The following AP3B1 variants were observed in gnomAD, a reference collection of about 807,000 sequenced individuals.
AP3B1 encodes the protein adaptor related protein complex 3 subunit beta 1.
AP3B1 carries 61 observed loss-of-function variants against 132.5 expected under a neutral mutation model. The observed-to-expected ratio is 0.46, with a 90% CI of 0.37 to 0.57. AP3B1 has a LOEUF of 0.57. Among genes scored for constraint, AP3B1 ranks in the 20% least tolerant of loss-of-function variants. The pLI, the probability that AP3B1 is intolerant of heterozygous loss-of-function variation, is 0.00. For missense variants in AP3B1, 1,120 were observed against 1,289.4 expected (o/e 0.87, Z 2.01); for synonymous variants, 388 against 438.3 (o/e 0.89, Z 1.43).
At chr5:78,140,463 C>T (rs1383620094) in intron 15 of AP3B1, among the ~76,000 whole-genome samples, 1 of 152,176 alleles carries the variant, frequency 6.6e-6, no homozygotes, top group Non-Finnish European at 1.5e-5. Flanking sequence ...AAGGTACCCA[C>T]AGTTCTGGTG....
chr5:78,141,078 C>A, intron 15 of AP3B1, 65 bp downstream of exon 15: 1 of 1,467,894 alleles, frequency 6.8e-7, no homozygotes. Flanking sequence ...CACAGACCCC[C>A]GCTGTTTGAT....
chr5:78,004,668 T>C (rs1033506286), intron 26 of AP3B1, among the ~76,000 whole-genome samples: 1 of 152,204 alleles, frequency 6.6e-6, no homozygotes, highest in African/African-American at 2.4e-5. Context: ...TGAAGTTGTG[T>C]TTTAAAATGT....
At chr5:78,259,414 T>C (rs1747988872) in intron 2 of AP3B1, among the ~76,000 whole-genome samples, 1 of 152,096 alleles carries the variant, frequency 6.6e-6, no homozygotes, top group East Asian at 1.9e-4. Context: ...GGTTAATGGG[T>C]ACAAACATAA....
At position 78,113,820 on chromosome 5, in the gene AP3B1, C is replaced by G; in HGVS notation, c.2181G>C (p.Glu727Asp). The G allele has an allele frequency of 6.2e-7, 1 of 1,614,212 alleles. No homozygotes were observed. The highest frequency in any genetic ancestry group is 1.3e-5 in the African/African-American group (1 of 75,054). Residue 727 changes from glutamate (E) to aspartate (D), a missense_variant, in exon 19 of 27, where the codon GAG becomes GAC. Coordinates refer to ENST00000255194, the MANE Select transcript of AP3B1 (RefSeq NM_003664.5). Reference sequence around the variant, plus strand: ...TTTCTAGGCCTGACTCCCGTCCACTCTCACTGTCCTGCTCACTGGAGGAGT... The same window carrying G: ...TTTCTAGGCCTGACTCCCGTCCACTGTCACTGTCCTGCTCACTGGAGGAGT... ...SEDSSSEQDS[E>D]SGRESGLENK...
intron 17 of AP3B1, among the ~76,000 whole-genome samples, chr5:78,123,261 C>G (rs1012504569): frequency 2.6e-5 from 4 of 152,178 alleles, no homozygotes; most frequent in African/African-American, 7.2e-5. Context: ...AAAACCTAGG[C>G]AATACCATTC....
intron 6 of AP3B1, among the ~76,000 whole-genome samples, chr5:78,221,741 A>C (rs1451203295): frequency 2.0e-5 from 3 of 151,954 alleles, no homozygotes; most frequent in Non-Finnish European, 4.4e-5. Context: ...AAAAGAAAAA[A>C]AATAACAGAA....
chr5:78,010,280 A>C (rs1746565061), intron 26 of AP3B1, among the ~76,000 whole-genome samples: 1 of 152,238 alleles, frequency 6.6e-6, no homozygotes, highest in South Asian at 2.1e-4. Context: ...GTCATGTGGC[A>C]TTACAGCTTG....
intron 19 of AP3B1, among the ~76,000 whole-genome samples, chr5:78,111,411 T>C (rs1751586028): frequency 6.6e-6 from 1 of 152,188 alleles, no homozygotes; most frequent in African/African-American, 2.4e-5. Context: ...TCTGTGTGTC[T>C]ACCCTACAGG....
Position 78,002,823 on chromosome 5 carries a change from A to G in AP3B1, c.*79T>C. 1.3e-6 allele frequency: 2 copies of G among 1,511,140 alleles called. No homozygotes were observed. Among genetic ancestry groups the G allele is most frequent in the Non-Finnish European group, 1.8e-6 (2 of 1,086,282 alleles). The allele number at this position is 1,511,140 out of a possible 1,614,324, so 93.6% of individuals were successfully genotyped here. On this transcript the variant is annotated 3_prime_UTR_variant, in exon 27 of 27. Coordinates refer to ENST00000255194, the MANE Select transcript of AP3B1 (RefSeq NM_003664.5). ...CCCACTGCCAGATGGAAGGGCTATT[A>G]TTATAAATGAAAGGCAGCAGTAGTG...
chr5:78,284,402 T>C (rs1014913333), intron 1 of AP3B1, among the ~76,000 whole-genome samples: 4 of 152,200 alleles, frequency 2.6e-5, no homozygotes, highest in African/African-American at 9.6e-5. Context: ...CCATTCTACA[T>C]AAGATACTAT....
At chr5:78,073,402 A>G (rs182224554) in intron 22 of AP3B1, among the ~76,000 whole-genome samples, 5 of 152,326 alleles carry the variant, frequency 3.3e-5, no homozygotes, top group African/African-American at 1.2e-4. Flanking sequence ...TGATTGACCA[A>G]TGCATAATCT....
intron 24 of AP3B1, among the ~76,000 whole-genome samples, chr5:78,028,987 A>G (rs965739465): frequency 1.3e-5 from 2 of 152,038 alleles, no homozygotes; most frequent in Non-Finnish European, 2.9e-5. Context: ...ATATTATCCC[A>G]TAGTTTTCCT....
intron 17 of AP3B1, among the ~76,000 whole-genome samples, chr5:78,126,272 A>C (rs1010185950): frequency 2.6e-5 from 4 of 152,062 alleles, no homozygotes; most frequent in Non-Finnish European, 5.9e-5. Context: ...TGGTAGGCTG[A>C]GGCGGGCAGA....
intron 1 of AP3B1, among the ~76,000 whole-genome samples, chr5:78,276,690 A>G (rs1165824680): frequency 6.6e-6 from 1 of 151,944 alleles, no homozygotes; most frequent in East Asian, 1.9e-4. Context: ...CAACACGGCA[A>G]GACCCTTTCA....
intron 22 of AP3B1, among the ~76,000 whole-genome samples, chr5:78,053,463 C>T (rs953810193): frequency 1.3e-5 from 2 of 151,964 alleles, no homozygotes; most frequent in Non-Finnish European, 2.9e-5. Flanking sequence ...CGGTGGATCA[C>T]GAGGTCAGGA....
At chr5:78,285,248 CA>C (rs369311356) in intron 1 of AP3B1, among the ~76,000 whole-genome samples, 457 of 133,166 alleles carry the variant, frequency 3.4e-3, no homozygotes, top group Middle Eastern at 0.012. Flanking sequence ...GACTCTGTCT[CA>C]AAAAAAAAAA....
chr5:78,010,159 TG>T (rs1203018819), intron 26 of AP3B1, among the ~76,000 whole-genome samples: 1 of 152,234 alleles, frequency 6.6e-6, no homozygotes, highest in Non-Finnish European at 1.5e-5. Context: ...TGGAGCACTC[TG>T]GGATATGTGT....
rs548046635 is a variant in AP3B1, at chr5:78,234,264, G to A, written c.280-6025C>T. On this transcript the variant is annotated intron_variant, in intron 3 of 26. Coordinates refer to ENST00000255194, the MANE Select transcript of AP3B1 (RefSeq NM_003664.5). ...TTTCAAACCCAAAATACACATATTT[G>A]TGAAACACTGTTCCTTTAAATGATC... Among the ~76,000 whole-genome samples the A allele has an allele frequency of 3.0e-4, 45 of 152,118 alleles. 1 individual carries two copies. In the South Asian group the frequency reaches 8.9e-3, roughly 30 times the overall value.
intron 7 of AP3B1, among the ~76,000 whole-genome samples, chr5:78,198,357 G>A (rs1745154375): frequency 6.6e-6 from 1 of 152,100 alleles, no homozygotes; most frequent in Non-Finnish European, 1.5e-5. Flanking sequence ...CAGGGTAGGT[G>A]CCTGAAACAA....
Sources: gnomAD v4.1 joint callset for allele counts (sites outside exome capture counted in the v4.1 genomes callset) on GRCh38, gnomAD v4.1.1 for gene constraint, MANE v1.5 for transcripts, NCBI Gene and HGNC (gene_info 2026-07-23, HGNC 2026-07-21) for gene names.